Variants in KCNU1 observed in about 807,000 individuals in gnomAD.
The protein encoded by KCNU1 is potassium calcium-activated channel subfamily U member 1, also known as potassium channel subfamily U member 1.
Under a neutral mutation model 126.8 loss-of-function variants are expected in KCNU1, and 93 were observed. The ratio of observed to expected loss-of-function variants is 0.73; its 90% confidence interval spans 0.62 to 0.87. The LOEUF is 0.87. Ranked by LOEUF, KCNU1 falls within the 40% of genes least tolerant of loss-of-function variation. The pLI is 0.00. For synonymous variants in KCNU1, 523 were observed against 494.2 expected (o/e 1.06, Z -0.77); for missense variants, 1,330 against 1,367.1 (o/e 0.97, Z 0.43).
At chr8:36,838,687 A>T (rs547267917) in intron 14 of KCNU1, among the ~76,000 whole-genome samples, 1 of 151,974 alleles carries the variant, frequency 6.6e-6, no homozygotes, top group African/African-American at 2.4e-5. Context: ...ACAGAGTGAG[A>T]CTCTGTCTCA....
At chr8:36,877,364 A>G (rs1806313585) in intron 19 of KCNU1, among the ~76,000 whole-genome samples, 2 of 148,782 alleles carry the variant, frequency 1.3e-5, no homozygotes, top group Admixed American at 6.8e-5. Context: ...GTGCAATGGC[A>G]TGGTCTTGGC....
chr8:36,918,778 G>A (rs757121429), intron 22 of KCNU1, 45 bp from the exon 23 acceptor site: 4 of 1,133,274 alleles, frequency 3.5e-6, no homozygotes, highest in African/African-American at 3.1e-5. Context: ...GACAAGTTTT[G>A]TAAGGCATTG....
At chr8:36,820,503 A>G (rs986304410) in intron 10 of KCNU1, among the ~76,000 whole-genome samples, 3 of 152,090 alleles carry the variant, frequency 2.0e-5, no homozygotes, top group African/African-American at 2.4e-5. Context: ...CAGCAATAAT[A>G]TGGAAGACAG....
chr8:36,885,242 A>G (rs141840942), intron 19 of KCNU1, among the ~76,000 whole-genome samples: 302 of 152,258 alleles, frequency 2.0e-3, no homozygotes, highest in African/African-American at 6.8e-3. Flanking sequence ...AGGGTGAGAG[A>G]AAAAGTAACC....
chr8:36,854,628 C>T (rs1270464514), intron 18 of KCNU1, among the ~76,000 whole-genome samples: 1 of 151,728 alleles, frequency 6.6e-6, no homozygotes, highest in Non-Finnish European at 1.5e-5. Flanking sequence ...TCTCATATTC[C>T]TTTTGGTTAT....
rs988158467 is a variant in KCNU1, at chr8:36,900,234, G to A, written c.2010-5474G>A. Among the ~76,000 whole-genome samples, 7 of 152,114 alleles carry A rather than the reference G, an allele frequency of 4.6e-5. No homozygotes were observed. In the East Asian group the frequency reaches 1.4e-3, roughly 29 times the overall value. The stretch of plus-strand genomic sequence containing the variant: ...CAGAGGCCTTTCTAACAGGGAGGGT[G>A]AATTATGTCCCCAGTTGCTTGGTCC... On this transcript the variant is annotated intron_variant, in intron 19 of 26. Coordinates refer to ENST00000399881, the MANE Select transcript of KCNU1 (RefSeq NM_001031836.3).
chr8:36,785,081 T>G (rs565899950), intron 1 of KCNU1, among the ~76,000 whole-genome samples: 1 of 152,296 alleles, frequency 6.6e-6, no homozygotes, highest in South Asian at 2.1e-4. Context: ...ACACATTGAG[T>G]TGCACATACA....
chr8:36,924,016 G>A (rs530359128), intron 24 of KCNU1, among the ~76,000 whole-genome samples: 1 of 152,252 alleles, frequency 6.6e-6, no homozygotes, highest in East Asian at 1.9e-4. Flanking sequence ...TATTATTCCT[G>A]GTGTCTATTA....
chr8:36,884,461 C>A (rs919107102), intron 19 of KCNU1, among the ~76,000 whole-genome samples: 1 of 152,104 alleles, frequency 6.6e-6, no homozygotes, highest in African/African-American at 2.4e-5. Flanking sequence ...AGTAGCCGGG[C>A]GCGGTGGCTC....
At chr8:36,855,394 A>G (rs1585466098) in intron 18 of KCNU1, among the ~76,000 whole-genome samples, 1 of 152,290 alleles carries the variant, frequency 6.6e-6, no homozygotes, top group East Asian at 1.9e-4. Flanking sequence ...GCTGAAAAAG[A>G]AAAGCCATTC....
At chr8:36,904,923 A>G (rs1334421806) in intron 19 of KCNU1, among the ~76,000 whole-genome samples, 1 of 152,146 alleles carries the variant, frequency 6.6e-6, no homozygotes, top group African/African-American at 2.4e-5. Context: ...TTGTTTCTGC[A>G]GTGTTAAGCC....
At chr8:36,906,782 C>T (rs940128613) in intron 20 of KCNU1, among the ~76,000 whole-genome samples, 2 of 152,096 alleles carry the variant, frequency 1.3e-5, no homozygotes, top group Non-Finnish European at 2.9e-5. Context: ...ATCAGAAACA[C>T]GAAACTGTCA....
chr8:36,855,221 T>C (rs530847261), intron 18 of KCNU1, among the ~76,000 whole-genome samples: 6 of 152,170 alleles, frequency 3.9e-5, no homozygotes, highest in Non-Finnish European at 7.4e-5. Flanking sequence ...TTTTTCAAAG[T>C]CCCTTATAAG....
intron 16 of KCNU1, among the ~76,000 whole-genome samples, chr8:36,843,782 T>A (rs1805041729): frequency 6.6e-6 from 1 of 152,310 alleles, no homozygotes; most frequent in South Asian, 2.1e-4. Context: ...TCCTACGACT[T>A]GCAAAATGCT....
intron 2 of KCNU1, among the ~76,000 whole-genome samples, chr8:36,799,127 T>C (rs1803211028): frequency 6.6e-6 from 1 of 152,226 alleles, no homozygotes; most frequent in Non-Finnish European, 1.5e-5. Flanking sequence ...TCCTGCTTAA[T>C]AAATTTTTAA....
chr8:36,858,176 CAAAA>C (rs67265944), intron 18 of KCNU1, among the ~76,000 whole-genome samples: 3 of 73,036 alleles, frequency 4.1e-5, no homozygotes, highest in African/African-American at 5.8e-5. Flanking sequence ...TCAAGGATGG[CAAAA>C]AAAAAAAAAA....
At chr8:36,798,684 A>G (rs1056479190) in intron 2 of KCNU1, among the ~76,000 whole-genome samples, 3 of 152,124 alleles carry the variant, frequency 2.0e-5, no homozygotes, top group African/African-American at 7.2e-5. Flanking sequence ...GACAAACTCA[A>G]CCAATTGTCA....
chr8:36,869,081 G>A (rs1806010308), intron 19 of KCNU1, among the ~76,000 whole-genome samples: 1 of 152,058 alleles, frequency 6.6e-6, no homozygotes, highest in Admixed American at 6.6e-5. Flanking sequence ...ATTTTAATTA[G>A]ATATTAGAAA....
intron 19 of KCNU1, among the ~76,000 whole-genome samples, chr8:36,874,442 C>T (rs777924150): frequency 1.3e-5 from 2 of 152,134 alleles, no homozygotes; most frequent in African/African-American, 4.8e-5. Flanking sequence ...CCCCTGCTCA[C>T]AGGGTCATAG....
Sources: gnomAD v4.1 joint callset for allele counts (sites outside exome capture counted in the v4.1 genomes callset) on GRCh38, gnomAD v4.1.1 for gene constraint, MANE v1.5 for transcripts, NCBI Gene and HGNC (gene_info 2026-07-23, HGNC 2026-07-21) for gene names.